Variants in MBP observed in about 807,000 individuals in gnomAD.
MBP encodes Golli-MBP.
A neutral mutation model predicts 35.8 loss-of-function variants in MBP; 16 were observed. That is an observed-to-expected ratio of 0.45 (90% CI 0.30 to 0.68). The LOEUF (loss-of-function observed/expected upper bound fraction) is 0.68, where lower values mean the gene tolerates loss of function less well. Ranked by LOEUF, MBP falls within the 30% of genes least tolerant of loss-of-function variation. The pLI, the probability that MBP is intolerant of heterozygous loss-of-function variation, is 0.08. For synonymous variants in MBP, 143 were observed against 159.6 expected, an observed-to-expected ratio of 0.90 and a Z score of 0.78; for missense variants, 380 against 404.7, an observed-to-expected ratio of 0.94 and a Z score of 0.52.
chr18:77,084,201 T>G (rs1789134), intron 2 of MBP, among the ~76,000 whole-genome samples: 116,529 of 151,848 alleles, frequency 0.77, 45,164 homozygotes, highest in East Asian at 0.83. Flanking sequence ...GAGATCATTT[T>G]GTAGTGTAAT....
chr18:77,060,448 CTTTTTTTTTTT>C (rs74182682), intron 3 of MBP, among the ~76,000 whole-genome samples: 3 of 97,630 alleles, frequency 3.1e-5, no homozygotes, highest in Non-Finnish European at 5.3e-5. Context: ...TCTCTCTCTC[CTTTTTTTTTTT>C]TTTTTTTTTA....
At position 76,978,850 on chromosome 18, in the gene MBP, T is replaced by TA. The variant is rs1969030893; in HGVS notation, c.*1576_*1577insT. 1 of 152,098 alleles carries TA rather than the reference T, an allele frequency of 6.6e-6. No individual in the cohort carries two copies. The highest frequency in any genetic ancestry group is 1.5e-5 in the Non-Finnish European group (1 of 68,032). The allele number at this position is 152,098 out of a possible 1,614,324, so 9.4% of individuals were successfully genotyped here. ...CATGCAAATACCATTAAAAGTTTAT[T>TA]GTTTTATTTCAATATTCAGGAACAG... On this transcript the variant is annotated 3_prime_UTR_variant, in exon 9 of 9. Coordinates refer to ENST00000355994, the MANE Select transcript of MBP (RefSeq NM_001025101.2).
chr18:77,122,130 G>C (rs1976901703), intron 1 of MBP, among the ~76,000 whole-genome samples: 2 of 152,208 alleles, frequency 1.3e-5, no homozygotes, highest in African/African-American at 4.8e-5. Flanking sequence ...AGAACTGGCA[G>C]AATCCGCCTC....
intron 7 of MBP, chr18:76,985,145 T>C: frequency 6.5e-7 from 1 of 1,533,200 alleles, no homozygotes; most frequent in East Asian, 2.5e-5. Flanking sequence ...TCTCATGAGA[T>C]ATGCGGCCCA....
chr18:77,061,250 A>C (rs1247019839), intron 3 of MBP, among the ~76,000 whole-genome samples: 2 of 152,258 alleles, frequency 1.3e-5, no homozygotes, highest in African/African-American at 4.8e-5. Flanking sequence ...CTATAAAAAT[A>C]CCTTGAGGTC....
intron 3 of MBP, among the ~76,000 whole-genome samples, chr18:77,060,787 G>A (rs1973947209): frequency 1.3e-5 from 2 of 152,154 alleles, no homozygotes. Flanking sequence ...AACAATTCTT[G>A]AGGGTCAATA....
At chr18:77,112,173 A>G (rs980475052) in intron 1 of MBP, among the ~76,000 whole-genome samples, 3 of 151,902 alleles carry the variant, frequency 2.0e-5, no homozygotes, top group Admixed American at 6.6e-5. Flanking sequence ...GCACACGCAC[A>G]CACACACACA....
intron 2 of MBP, among the ~76,000 whole-genome samples, chr18:77,096,644 T>A (rs542452194): frequency 6.6e-6 from 1 of 152,332 alleles, no homozygotes; most frequent in African/African-American, 2.4e-5. Context: ...AGAACCTTTT[T>A]GAGCCTGATA....
At chr18:76,993,087 G>A (rs993399950) in intron 4 of MBP, among the ~76,000 whole-genome samples, 8 of 152,354 alleles carry the variant, frequency 5.3e-5, no homozygotes, top group Admixed American at 4.6e-4. Flanking sequence ...TGACAGAGTT[G>A]CAGGCACAGC....
At chr18:77,050,435 T>C (rs1973442323) in intron 3 of MBP, among the ~76,000 whole-genome samples, 1 of 150,464 alleles carries the variant, frequency 6.6e-6, no homozygotes, top group South Asian at 2.1e-4. Context: ...ATACAAACTT[T>C]GCTGAAGCCT....
At chr18:77,084,009 GTT>G (rs33974021) in intron 2 of MBP, among the ~76,000 whole-genome samples, 86 of 151,300 alleles carry the variant, frequency 5.7e-4, no homozygotes, top group South Asian at 8.4e-4. Flanking sequence ...CAATAAAGCT[GTT>G]TTTTTTTTTA....
chr18:77,041,945 T>C (rs73968262), intron 3 of MBP, among the ~76,000 whole-genome samples: 20,656 of 148,094 alleles, frequency 0.14, 1,596 homozygotes, highest in African/African-American at 0.23. Context: ...AAAAAAAGAA[T>C]GGTCCATAAA....
At chr18:77,053,444 C>T (rs556751) in intron 3 of MBP, among the ~76,000 whole-genome samples, 124,654 of 152,280 alleles carry the variant, frequency 0.82, 51,216 homozygotes, top group East Asian at 0.95. Flanking sequence ...CACCCTAATT[C>T]CAAAGAACAA....
chr18:76,980,878 T>TTTAATGATA, intron 8 of MBP: 1 of 196,336 alleles, frequency 5.1e-6, no homozygotes, highest in Non-Finnish European at 1.1e-5. Context: ...AACTTCTTTT[T>TTTAATGATA]CGGCGGGACC....
chr18:77,046,719 T>C (rs139445366), intron 3 of MBP, among the ~76,000 whole-genome samples: 9 of 152,372 alleles, frequency 5.9e-5, no homozygotes, highest in African/African-American at 1.7e-4. Context: ...CATTATTCCA[T>C]AGTCTCTCCA....
rs1403860801 is a variant in MBP at position 76,988,708 on chromosome 18, G to A, written c.717+169C>T. On this transcript the variant is annotated intron_variant, in intron 6 of 8. Coordinates refer to ENST00000355994, the MANE Select transcript of MBP (RefSeq NM_001025101.2). The surrounding 1 kb of genome is among the most constrained non-coding windows in gnomAD (Gnocchi z 5.2). ...CGGCTGTGCAGGTGCGGGAGGGACAGGAGGGGTGCATGGATCTGCCGACCT... is the reference window on the plus strand; with the variant it reads ...CGGCTGTGCAGGTGCGGGAGGGACAAGAGGGGTGCATGGATCTGCCGACCT... The A allele has an allele frequency of 2.2e-6, 3 of 1,352,212 alleles. No individual in the cohort carries two copies. The highest frequency in any genetic ancestry group is 4.6e-5 in the East Asian group (2 of 43,426). 83.8% of individuals were successfully genotyped at this position (1,352,212 alleles called of 1,614,324 possible). A position where few individuals can be genotyped will look rare whatever the true frequency, so the allele number is the denominator to read the frequency against.
intron 3 of MBP, among the ~76,000 whole-genome samples, chr18:77,058,873 C>G (rs1973849821): frequency 6.6e-6 from 1 of 152,182 alleles, no homozygotes; most frequent in Admixed American, 6.5e-5. Context: ...GAAAGTTTAC[C>G]GTTTCCAAAT....
intron 3 of MBP, among the ~76,000 whole-genome samples, chr18:77,060,656 G>A (rs1215763249): frequency 6.6e-6 from 1 of 151,952 alleles, no homozygotes; most frequent in Non-Finnish European, 1.5e-5. Context: ...TCCCCGTGTT[G>A]GTCAGGCTGG....
At chr18:77,068,016 CGTGTGTGTGTGT>C (rs56090018) in intron 2 of MBP, among the ~76,000 whole-genome samples, 1 of 149,624 alleles carries the variant, frequency 6.7e-6, no homozygotes, top group Non-Finnish European at 1.5e-5. Context: ...CCCTCCATCC[CGTGTGTGTGTGT>C]GTGTGTGTGT....
Sources: gnomAD v4.1 joint callset for allele counts (sites outside exome capture counted in the v4.1 genomes callset) on GRCh38, gnomAD v4.1.1 for gene constraint, Gnocchi (gnomAD v3.1) non-coding constraint, MANE v1.5 for transcripts, NCBI Gene and HGNC (gene_info 2026-07-23, HGNC 2026-07-21) for gene names.